RPS17: variants seen among roughly 807,000 people sequenced by gnomAD.
RPS17 encodes small ribosomal subunit protein eS17.
For synonymous variants in RPS17, 75 were observed against 65.6 expected (o/e 1.14, Z -0.70); for missense variants, 68 against 182.3 (o/e 0.37, Z 3.61).
At position 82,540,144 on chromosome 15, in the gene RPS17, G is replaced by A; in HGVS notation, c.4-12C>T. 6.2e-7 allele frequency: 1 copy of A among 1,613,746 alleles called. No homozygotes were observed. Among genetic ancestry groups the A allele is most frequent in the Non-Finnish European group, 8.5e-7 (1 of 1,179,874 alleles). On this transcript the variant is annotated splice_polypyrimidine_tract_variant and intron_variant, in intron 1 of 4. Coordinates refer to ENST00000647841, the MANE Select transcript of RPS17 (RefSeq NM_001021.6). ...GTGCGAACGCGGCCCTGCGGGTGGAGAGGACAGGATCACTCACGAGCCAGC... is the reference window on the plus strand; with the variant it reads ...GTGCGAACGCGGCCCTGCGGGTGGAAAGGACAGGATCACTCACGAGCCAGC...
chr15:82,538,618 A>G (rs2034282238), intron 3 of RPS17: 1 of 649,636 alleles, frequency 1.5e-6, no homozygotes, highest in Non-Finnish European at 2.7e-6. Flanking sequence ...AGAATACTAT[A>G]TTAGGGGCAA....
chr15:82,538,757 C>G (rs1388958882), intron 3 of RPS17, 123 bp downstream of exon 3: 26 of 1,065,000 alleles, frequency 2.4e-5, no homozygotes, highest in Non-Finnish European at 3.7e-5. Context: ...TGGGCACCCA[C>G]AGCTGGTTAT....
chr15:82,538,435 C>T (rs2034278021), intron 3 of RPS17, 64 bp from the exon 4 acceptor site: 3 of 1,563,294 alleles, frequency 1.9e-6, no homozygotes, highest in Admixed American at 1.7e-5. Context: ...CTCTCCTCCT[C>T]CTCTCCCCAG....
At chr15:82,537,216 C>T (rs1166797556) in intron 4 of RPS17, 5 of 432,618 alleles carry the variant, frequency 1.2e-5, no homozygotes, top group African/African-American at 2.0e-5. Flanking sequence ...CTGGGCTGGA[C>T]ATTCTTTGTT....
chr15:82,540,062 C>T lies in RPS17; in HGVS notation c.74G>A (p.Gly25Asp). ...VIIEKYYTRL[G>D]NDFHTNKRVC... ...GCGCTTGTTCGTGTGGAAGTCGTTG[C>T]CCAGGCGCGTGTAGTACTTTTCTAT... Residue 25 changes from glycine (G) to aspartate (D), a missense_variant, in exon 2 of 5, where the codon GGC becomes GAC. Transcript: ENST00000647841. 6.2e-7 allele frequency: 1 copy of T among 1,612,922 alleles called. No individual in the cohort carries two copies. Among genetic ancestry groups the T allele is most frequent in the East Asian group, 2.2e-5 (1 of 44,884 alleles).
intron 1 of RPS17, 113 bp from the exon 2 acceptor site, chr15:82,540,245 A>T: frequency 2.5e-6 from 4 of 1,607,324 alleles, no homozygotes; most frequent in Non-Finnish European, 3.4e-6. Flanking sequence ...TGAGCCGGAG[A>T]GGGCCCGGCT....
intron 3 of RPS17, 58 bp downstream of exon 3, chr15:82,538,822 A>C: frequency 4.2e-4 from 645 of 1,549,928 alleles, no homozygotes; most frequent in Non-Finnish European, 5.2e-4. Flanking sequence ...GGAAGCCAAG[A>C]ACCCATAGCT....
chr15:82,537,461 A>G (rs1230159354), intron 4 of RPS17: 1 of 287,702 alleles, frequency 3.5e-6, no homozygotes, highest in Non-Finnish European at 6.7e-6. Context: ...GGGCCCAAGT[A>G]CACAAGGCAT....
intron 4 of RPS17, chr15:82,537,537 C>A (rs2034262467): frequency 1.9e-5 from 6 of 316,492 alleles, no homozygotes; most frequent in South Asian, 1.4e-4. Context: ...GTAGGCAGGG[C>A]AAGAAGCCAA....
chr15:82,540,367 G>A (rs1567156398), intron 1 of RPS17, 59 bp downstream of exon 1: 1 of 1,587,294 alleles, frequency 6.3e-7, no homozygotes, highest in South Asian at 1.1e-5. Context: ...TGAGGACCGC[G>A]GGAAGCTGCA....
intron 2 of RPS17, 39 bp from the exon 3 acceptor site, chr15:82,539,024 C>T: frequency 6.3e-7 from 1 of 1,589,256 alleles, no homozygotes; most frequent in African/African-American, 1.3e-5. Context: ...AGTGAGAAGA[C>T]AAATCAACTC....
chr15:82,538,402 CAA>C, intron 3 of RPS17, 31 bp from the exon 4 acceptor site: 1 of 1,608,892 alleles, frequency 6.2e-7, no homozygotes, highest in Non-Finnish European at 8.5e-7. Flanking sequence ...GTCAAAATAC[CAA>C]TCAATGAGAT....
intron 3 of RPS17, 178 bp from the exon 4 acceptor site, chr15:82,538,549 C>G: frequency 1.3e-6 from 1 of 750,632 alleles, no homozygotes; most frequent in Admixed American, 2.0e-5. Flanking sequence ...TTCTTCTGGC[C>G]TTACCTTCCC....
At chr15:82,540,215 T>C (rs1228043918) in intron 1 of RPS17, 83 bp from the exon 2 acceptor site, 1 of 1,611,306 alleles carries the variant, frequency 6.2e-7, no homozygotes, top group Non-Finnish European at 8.5e-7. Context: ...GCCGGTGTGG[T>C]TGGGGACCGC....
chr15:82,537,217 ATTCT>A (rs1405799402), intron 4 of RPS17: 1 of 428,636 alleles, frequency 2.3e-6, no homozygotes, highest in African/African-American at 2.0e-5. Context: ...TGGGCTGGAC[ATTCT>A]TTGTTATAGG....
Position 82,537,413 on chromosome 15 carries a change from G to A in RPS17, c.328-532C>T, listed in dbSNP as rs1054645439. ...CCACTTGCTTTCCAGGACCAGCCCT[G>A]GGTAAGAGCTATTACTAATCTAATC... On this transcript the variant is annotated intron_variant, in intron 4 of 4. Transcript: ENST00000647841. 2.2e-5 allele frequency: 6 copies of A among 268,410 alleles called. No individual in the cohort carries two copies. In the East Asian group the frequency reaches 4.7e-4, roughly 21 times the overall value. 16.6% of individuals were successfully genotyped at this position (268,410 alleles called of 1,614,324 possible).
At chr15:82,536,986 C>T (rs1338078681) in intron 4 of RPS17, 105 bp from the exon 5 acceptor site, 1 of 1,334,810 alleles carries the variant, frequency 7.5e-7, no homozygotes, top group African/African-American at 1.4e-5. Context: ...CAAGGGGGTC[C>T]AGAGGCGACC....
At chr15:82,539,061 A>G (rs2034292636) in intron 2 of RPS17, 76 bp from the exon 3 acceptor site, 2 of 1,356,140 alleles carry the variant, frequency 1.5e-6, no homozygotes, top group Non-Finnish European at 1.1e-6. Context: ...ACATGTGCAT[A>G]TATAAATACC....
In RPS17 at chr15:82,540,124, A is replaced by C; in HGVS notation, c.12T>G (p.Val4=). The change falls in exon 2 of 5, where the codon GTT becomes GTG. Residue 4 remains valine (V), a synonymous_variant. Transcript: ENST00000647841. ...CCGCCTTCTTCACGGTTTTGGTGCG[A>C]ACGCGGCCCTGCGGGTGGAGAGGAC... MGR[V]RTKTVKKAAR... 1.9e-6 allele frequency: 3 copies of C among 1,613,688 alleles called. No individual in the cohort carries two copies.
Sources: gnomAD v4.1 joint callset for allele counts on GRCh38, gnomAD v4.1.1 for gene constraint, MANE v1.5 for transcripts, NCBI Gene and HGNC (gene_info 2026-07-23, HGNC 2026-07-21) for gene names.